TCF12: variants seen among roughly 807,000 people sequenced by gnomAD.
TCF12 encodes DNA-binding protein HTF4.
A neutral mutation model predicts 86.0 loss-of-function variants in TCF12; 45 were observed. That is an observed-to-expected ratio of 0.52 (90% CI 0.41 to 0.67). The LOEUF is 0.67. Among genes scored for constraint, TCF12 ranks in the 30% least tolerant of loss-of-function variants. TCF12 has a pLI of 0.00. For synonymous variants in TCF12, 330 were observed against 299.6 expected (o/e 1.10, Z -1.05); for missense variants, 881 against 859.9 (o/e 1.02, Z -0.31).
chr15:57,038,580 G>A (rs141610136), intron 3 of TCF12, among the ~76,000 whole-genome samples: 131 of 152,160 alleles, frequency 8.6e-4, no homozygotes, highest in African/African-American at 3.0e-3. Context: ...CTGAAAATAC[G>A]CTTTTCATAC....
At chr15:57,146,557 A>G (rs2053378969) in intron 5 of TCF12, among the ~76,000 whole-genome samples, 2 of 152,190 alleles carry the variant, frequency 1.3e-5, no homozygotes. Flanking sequence ...TGAATACCGG[A>G]TTTAGTCAAG....
At chr15:57,223,416 C>T (rs2151879620) in intron 8 of TCF12, among the ~76,000 whole-genome samples, 1 of 152,026 alleles carries the variant, frequency 6.6e-6, no homozygotes, top group East Asian at 1.9e-4. Flanking sequence ...GAAAACGTAA[C>T]TGGGAAAAGC....
intron 3 of TCF12, among the ~76,000 whole-genome samples, chr15:56,960,411 C>A (rs1355924758): frequency 6.7e-6 from 1 of 149,604 alleles, no homozygotes; most frequent in East Asian, 2.0e-4. Context: ...CTTTTGTTGA[C>A]CCAAGGCTAC....
chr15:57,114,816 C>T (rs1193991231), intron 5 of TCF12, among the ~76,000 whole-genome samples: 1 of 152,104 alleles, frequency 6.6e-6, no homozygotes, highest in Non-Finnish European at 1.5e-5. Context: ...ATATCTTTGG[C>T]ATCTAGCATA....
At chr15:57,073,672 A>ATTT (rs1444746979) in intron 4 of TCF12, among the ~76,000 whole-genome samples, 2 of 152,226 alleles carry the variant, frequency 1.3e-5, no homozygotes, top group African/African-American at 4.8e-5. Context: ...CATTTGCCAA[A>ATTT]TTATAAAAGA....
intron 3 of TCF12, among the ~76,000 whole-genome samples, chr15:56,966,886 G>A (rs113912421): frequency 0.012 from 1,871 of 152,294 alleles, 40 homozygotes; most frequent in African/African-American, 0.042. Flanking sequence ...ACTTTGGGAG[G>A]CCTAGGTGTG....
chr15:57,018,124 G>A (rs1029187371), intron 3 of TCF12, among the ~76,000 whole-genome samples: 7 of 152,210 alleles, frequency 4.6e-5, no homozygotes, highest in African/African-American at 1.7e-4. Flanking sequence ...TAAGTAGAGA[G>A]CGTATTGGGG....
At chr15:57,025,458 T>G (rs1017452518) in intron 3 of TCF12, among the ~76,000 whole-genome samples, 31 of 152,264 alleles carry the variant, frequency 2.0e-4, no homozygotes, top group African/African-American at 7.0e-4. Flanking sequence ...TTCTTATCTA[T>G]GCACCTGAAT....
chr15:57,246,354 A>C (rs910415197), intron 13 of TCF12, among the ~76,000 whole-genome samples: 2 of 152,282 alleles, frequency 1.3e-5, no homozygotes, highest in African/African-American at 4.8e-5. Flanking sequence ...GTTCTGAGAT[A>C]TTGTATCAGT....
chr15:57,044,863 CCT>C (rs759768605), intron 3 of TCF12, among the ~76,000 whole-genome samples: 198 of 152,196 alleles, frequency 1.3e-3, no homozygotes, highest in Middle Eastern at 3.4e-3. Context: ...TGGGAGAAAA[CCT>C]CTGTTTTATT....
chr15:57,085,491 T>C (rs1279724422), intron 4 of TCF12, among the ~76,000 whole-genome samples: 1 of 152,170 alleles, frequency 6.6e-6, no homozygotes. Context: ...TGTGAGAGAT[T>C]AGTGAGTGGT....
chr15:57,203,907 T>G (rs1184937403), intron 8 of TCF12, among the ~76,000 whole-genome samples: 1 of 152,036 alleles, frequency 6.6e-6, no homozygotes, highest in Non-Finnish European at 1.5e-5. Flanking sequence ...TTCTGTCTCC[T>G]TCGGAGGCTA....
At chr15:56,927,768 G>A (rs1264377695) in intron 3 of TCF12, among the ~76,000 whole-genome samples, 1 of 152,206 alleles carries the variant, frequency 6.6e-6, no homozygotes, top group Non-Finnish European at 1.5e-5. Flanking sequence ...TTAGGGAAAT[G>A]AACACAGAGG....
intron 18 of TCF12, among the ~76,000 whole-genome samples, chr15:57,269,703 C>T (rs1270745878): frequency 1.3e-5 from 2 of 152,096 alleles, no homozygotes; most frequent in East Asian, 3.9e-4. Flanking sequence ...CCGGTTGTTG[C>T]TTACCATGTT....
chr15:57,243,506 C>T lies in TCF12; in HGVS notation c.1070C>T (p.Pro357Leu), dbSNP rs1223533928. Residue 357 changes from proline (P) to leucine (L), a missense_variant, in exon 13 of 21, where the codon CCG (proline) becomes CTG (leucine). By Grantham distance (98) the Pro-to-Leu change is moderately conservative. Coordinates refer to ENST00000333725, the MANE Select transcript of TCF12 (RefSeq NM_207037.2). ...YSPDHTSSSF[P>L]SNPSTPVGSP... ...CCTGACCATACCAGCAGTAGTTTTCCGTCAAATCCATCAACACCAGTTGGA... is the reference window on the plus strand; with the variant it reads ...CCTGACCATACCAGCAGTAGTTTTCTGTCAAATCCATCAACACCAGTTGGA... 8.1e-6 allele frequency: 13 copies of T among 1,613,728 alleles called. No individual in the cohort carries two copies. Among genetic ancestry groups the T allele is most frequent in the Non-Finnish European group, 1.0e-5 (12 of 1,179,884 alleles).
At chr15:57,208,778 G>C (rs1381284181) in intron 8 of TCF12, among the ~76,000 whole-genome samples, 2 of 151,736 alleles carry the variant, frequency 1.3e-5, no homozygotes, top group Non-Finnish European at 2.9e-5. Context: ...TGCCATCATA[G>C]CTCGCTGCGG....
chr15:57,161,951 A>C (rs982187180), intron 5 of TCF12, among the ~76,000 whole-genome samples: 5 of 152,214 alleles, frequency 3.3e-5, no homozygotes, highest in African/African-American at 9.6e-5. Context: ...ACATTAAAAT[A>C]CTTACATTTT....
At chr15:57,087,659 C>G (rs2048738775) in intron 4 of TCF12, among the ~76,000 whole-genome samples, 1 of 151,994 alleles carries the variant, frequency 6.6e-6, no homozygotes, top group African/African-American at 2.4e-5. Context: ...GATTTACCAA[C>G]CAAATTTTAG....
Position 57,256,327 on chromosome 15 carries a change from C to A in TCF12, c.1467+2859C>A, listed in dbSNP as rs116208617. Among the ~76,000 whole-genome samples, 1,188 of 152,198 alleles carry A rather than the reference C, an allele frequency of 7.8e-3. 15 individuals are homozygous for A. Among genetic ancestry groups the A allele is most frequent in the African/African-American group, 0.027 (1,130 of 41,514 alleles). On this transcript the variant is annotated intron_variant, in intron 16 of 20. Coordinates refer to ENST00000333725, the MANE Select transcript of TCF12 (RefSeq NM_207037.2). ...TGTCTGAGGGCTTCCATTAGTACTG[C>A]TGGGATCACTTTATTTACATGCTCA...
Sources: allele counts gnomAD v4.1 joint callset (sites outside exome capture counted in the v4.1 genomes callset), GRCh38; gene constraint gnomAD v4.1.1; transcripts MANE v1.5; gene names NCBI Gene and HGNC (gene_info 2026-07-23, HGNC 2026-07-21).